LIN54: variants seen among roughly 807,000 people sequenced by gnomAD.
LIN54 encodes protein lin-54 homolog.
A neutral mutation model predicts 78.7 loss-of-function variants in LIN54; 9 were observed. The ratio of observed to expected loss-of-function variants is 0.11; its 90% CI spans 0.07 to 0.20. LIN54 has a LOEUF of 0.20. Among genes scored for constraint, LIN54 ranks in the 10% least tolerant of loss-of-function variants. The probability of loss-of-function intolerance (pLI) is 1.00; values close to 1 mark genes in which losing one functional copy is unlikely to be tolerated. For synonymous variants in LIN54, 269 were observed against 318.4 expected (o/e 0.84, Z 1.65); for missense variants, 573 against 889.9 (o/e 0.64, Z 4.53).
chr4:82,957,230 C>T (rs1724402592), intron 4 of LIN54, among the ~76,000 whole-genome samples: 1 of 152,184 alleles, frequency 6.6e-6, no homozygotes, highest in African/African-American at 2.4e-5. Context: ...TCACTGGTCA[C>T]ATCACTTCCT....
At chr4:82,996,879 A>AG (rs1728273533) in intron 1 of LIN54, among the ~76,000 whole-genome samples, 2 of 152,088 alleles carry the variant, frequency 1.3e-5, no homozygotes, top group East Asian at 3.9e-4. Flanking sequence ...TTAATGTATT[A>AG]GGGAAAAAAA....
At chr4:83,008,348 T>C (rs1161064815) in intron 1 of LIN54, among the ~76,000 whole-genome samples, 1 of 152,122 alleles carries the variant, frequency 6.6e-6, no homozygotes, top group Non-Finnish European at 1.5e-5. Context: ...AATAATAATG[T>C]TTGAAAAAGT....
rs140324381 is a variant in LIN54, at chr4:82,934,677, C to T, written c.1845+1304G>A. ...CTCCTGTGGCAGGGCAAACCTTCAGCAAGTGCAAAGCTAGGCTTTCTGCCA... is the reference window on the plus strand; with the variant it reads ...CTCCTGTGGCAGGGCAAACCTTCAGTAAGTGCAAAGCTAGGCTTTCTGCCA... On this transcript the variant is annotated intron_variant, in intron 11 of 12. Transcript: ENST00000340417. Among the ~76,000 whole-genome samples, 508 of 152,258 alleles carry T rather than the reference C, an allele frequency of 3.3e-3. 6 individuals carry two copies. Among genetic ancestry groups the T allele is most frequent in the African/African-American group, 0.011 (472 of 41,546 alleles).
At chr4:82,978,231 C>T (rs1244281159) in intron 3 of LIN54, among the ~76,000 whole-genome samples, 1 of 152,146 alleles carries the variant, frequency 6.6e-6, no homozygotes, top group Non-Finnish European at 1.5e-5. Context: ...TAAAAGAGAA[C>T]TGGGCCACAC....
chr4:82,973,702 T>C (rs546144167), intron 3 of LIN54, among the ~76,000 whole-genome samples: 232 of 152,316 alleles, frequency 1.5e-3, no homozygotes, highest in African/African-American at 5.4e-3. Flanking sequence ...TATTATCTCA[T>C]GTAACCATTT....
chr4:82,986,071 A>C (rs1237238430), intron 1 of LIN54, among the ~76,000 whole-genome samples: 1 of 152,196 alleles, frequency 6.6e-6, no homozygotes, highest in Non-Finnish European at 1.5e-5. Context: ...TTATTTGCCC[A>C]GAGAACATCA....
chr4:82,970,877 G>T (rs1048109112), intron 3 of LIN54, among the ~76,000 whole-genome samples: 1 of 152,042 alleles, frequency 6.6e-6, no homozygotes, highest in African/African-American at 2.4e-5. Context: ...AACCATGAAG[G>T]TACAATTGAA....
At chr4:82,964,242 G>T (rs966974572) in intron 4 of LIN54, among the ~76,000 whole-genome samples, 3 of 152,108 alleles carry the variant, frequency 2.0e-5, no homozygotes, top group African/African-American at 7.2e-5. Flanking sequence ...GTAGAGATGG[G>T]GTTTCACCAT....
chr4:82,930,592 T>A (rs1355075844), intron 12 of LIN54, among the ~76,000 whole-genome samples: 1 of 152,090 alleles, frequency 6.6e-6, no homozygotes, highest in East Asian at 1.9e-4. Context: ...CTCCAAGAAA[T>A]GGAAAAGGCA....
chr4:82,954,015 C>A (rs1196109905), intron 4 of LIN54, among the ~76,000 whole-genome samples: 1 of 151,984 alleles, frequency 6.6e-6, no homozygotes, highest in Non-Finnish European at 1.5e-5. Flanking sequence ...TTAAAAAAAA[C>A]TATCTGTTCC....
chr4:82,992,770 T>C (rs1413237157), intron 1 of LIN54, among the ~76,000 whole-genome samples: 3 of 152,142 alleles, frequency 2.0e-5, no homozygotes, highest in Admixed American at 1.3e-4. Flanking sequence ...GGCTCACGCC[T>C]GTAATCCCAG....
chr4:82,984,412 A>C lies in LIN54; in HGVS notation c.433T>G (p.Leu145Val). 6.2e-7 allele frequency: 1 copy of C among 1,614,218 alleles called. No individual in the cohort carries two copies. The highest frequency in any genetic ancestry group is 2.2e-5 in the East Asian group (1 of 44,888). The stretch of plus-strand genomic sequence containing the variant: ...ACAATTGGTGAACCAGACTTGCCCA[A>C]AGTTGTTAAAATTAACTTCTGTCCA... ...PDGQKLILTT[L>V]GKSGSPIVLA... Residue 145 changes from leucine (L) to valine (V), a missense_variant, in exon 2 of 13, where the codon TTG (leucine) becomes GTG (valine). Around this residue, in one of 6 missense-constraint regions of LIN54, gnomAD observed 183 missense variants for 228.4 expected, o/e 0.80. Transcript: ENST00000340417.
At chr4:82,963,290 G>A (rs769689917) in intron 4 of LIN54, among the ~76,000 whole-genome samples, 6 of 151,970 alleles carry the variant, frequency 3.9e-5, no homozygotes, top group South Asian at 2.1e-4. Context: ...TTTCAAACAA[G>A]CAAAAGCTGA....
At chr4:82,940,061 G>C in intron 5 of LIN54, 99 bp from the exon 6 acceptor site, 3 of 811,346 alleles carry the variant, frequency 3.7e-6, no homozygotes, top group Non-Finnish European at 5.9e-6. Flanking sequence ...TCTCATAAAA[G>C]AGCTTAAAGA....
rs1721896164 is a variant in LIN54 at position 82,930,953 on chromosome 4, C to G, written c.2038G>C (p.Gly680Arg). 1 of 1,613,802 alleles carries G rather than the reference C, an allele frequency of 6.2e-7. No homozygotes were observed. The highest frequency in any genetic ancestry group is 1.1e-5 in the South Asian group (1 of 91,086). The change falls in exon 12 of 13, where the codon GGA (glycine) becomes CGA (arginine). Residue 680 changes from glycine to arginine, a missense_variant. Gly to Arg is a moderately radical substitution (Grantham distance 125). Transcript: ENST00000340417. ...AAAATACTGACTTACTTTCCGCCTC[C>G]ACTATTTAAAGCTGGTGTTGGCCTA... ...LTRPTPALNS[G>R]GGKLPFTFVT...
intron 5 of LIN54, among the ~76,000 whole-genome samples, chr4:82,941,817 G>C (rs903767382): frequency 6.6e-6 from 1 of 152,100 alleles, no homozygotes; most frequent in East Asian, 1.9e-4. Context: ...ACAGTTATTA[G>C]AACTAAAAAC....
At chr4:82,981,792 G>A (rs187983827) in intron 2 of LIN54, among the ~76,000 whole-genome samples, 1 of 152,108 alleles carries the variant, frequency 6.6e-6, no homozygotes, top group East Asian at 1.9e-4. Flanking sequence ...GCACTTTTGA[G>A]AGGCCAAGGC....
At chr4:82,967,224 C>CAA (rs373152789) in intron 4 of LIN54, among the ~76,000 whole-genome samples, 4 of 108,050 alleles carry the variant, frequency 3.7e-5, no homozygotes, top group South Asian at 2.9e-4. Context: ...GACTCCATCT[C>CAA]AAAAAAAAAA....
chr4:82,947,235 A>ATATATATTTTTTTT lies in LIN54; in HGVS notation c.952-762_952-761insAAAAAAAATATATA. Among the ~76,000 whole-genome samples, 75 of 44,278 alleles carry ATATATATTTTTTTT rather than the reference A, an allele frequency of 1.7e-3. 1 individual carries two copies. Among genetic ancestry groups the ATATATATTTTTTTT allele is most frequent in the African/African-American group, 2.9e-3 (29 of 10,020 alleles). The allele number at this position is 44,278 out of a possible 152,430, so 29.0% of individuals were successfully genotyped here. ...TATATATATATATATATATATATAT[A>ATATATATTTTTTTT]TTTTTTTTTTTTTTGAAGACAGGGT... On this transcript the variant is annotated intron_variant, in intron 4 of 12. Transcript: ENST00000340417.
Sources: allele counts gnomAD v4.1 joint callset (sites outside exome capture counted in the v4.1 genomes callset), GRCh38; gene constraint gnomAD v4.1.1; regional missense constraint gnomAD v4.1.1; transcripts MANE v1.5; gene names NCBI Gene and HGNC (gene_info 2026-07-23, HGNC 2026-07-21).